Variants in PLAG1 observed in about 807,000 individuals in gnomAD.
PLAG1 encodes the protein PLAG1 zinc finger, also known as zinc finger protein PLAG1.
PLAG1 carries 7 observed loss-of-function variants against 35.5 expected under a neutral mutation model. The ratio of observed to expected loss-of-function variants is 0.20; its 90% CI spans 0.11 to 0.37. The LOEUF (loss-of-function observed/expected upper bound fraction) is 0.37, where lower values mean the gene tolerates loss of function less well. PLAG1 is among the 10% of genes least tolerant of loss of function. The pLI is 1.00. For missense variants in PLAG1, 454 were observed against 602.8 expected, an observed-to-expected ratio of 0.75 and a Z score of 2.58; for synonymous variants, 229 against 225.4, an observed-to-expected ratio of 1.02 and a Z score of -0.14.
chr8:56,198,749 T>A (rs1321786338), intron 1 of PLAG1, among the ~76,000 whole-genome samples: 1 of 152,116 alleles, frequency 6.6e-6, no homozygotes, highest in Non-Finnish European at 1.5e-5. Flanking sequence ...CTGATCACTG[T>A]CTCTTAGGGT....
rs918178908 is a variant in PLAG1, at chr8:56,210,784, G to A, written c.-322+337C>T. Among the ~76,000 whole-genome samples the A allele has an allele frequency of 2.0e-5, 3 of 151,344 alleles. No homozygotes were observed. The East Asian group carries it at 5.9e-4, about 30-fold the overall frequency. ...CAGCACCAGAGAGGAGGAGGAGGAGGAGGAGGAGGAAAACTTTTCAAACTT... is the reference window on the plus strand; with the variant it reads ...CAGCACCAGAGAGGAGGAGGAGGAGAAGGAGGAGGAAAACTTTTCAAACTT... On this transcript the variant is annotated intron_variant, in intron 1 of 4. Coordinates refer to ENST00000316981, the MANE Select transcript of PLAG1 (RefSeq NM_002655.3).
At chr8:56,189,214 T>C (rs1288791827) in intron 1 of PLAG1, among the ~76,000 whole-genome samples, 1 of 152,256 alleles carries the variant, frequency 6.6e-6, no homozygotes, top group Non-Finnish European at 1.5e-5. Context: ...GTCCAATCTA[T>C]TTGCTCACCT....
intron 1 of PLAG1, among the ~76,000 whole-genome samples, chr8:56,187,668 T>TG (rs1035672571): frequency 6.6e-6 from 1 of 152,190 alleles, no homozygotes; most frequent in Non-Finnish European, 1.5e-5. Context: ...TTGTTTTTTT[T>TG]GGGCACAGGC....
chr8:56,195,959 C>T (rs889002610), intron 1 of PLAG1, among the ~76,000 whole-genome samples: 2 of 152,116 alleles, frequency 1.3e-5, no homozygotes, highest in Non-Finnish European at 2.9e-5. Context: ...GACCTAGTCT[C>T]GCGGGTGTGG....
rs1031690022 is a variant in PLAG1, at chr8:56,163,155, T to G, written c.*3088A>C. On this transcript the variant is annotated 3_prime_UTR_variant, in exon 5 of 5. Coordinates refer to ENST00000316981, the MANE Select transcript of PLAG1 (RefSeq NM_002655.3). ...CATGTGGAAGTGAAACTGAATGAGG[T>G]TCAATATCTTGTCTGAGGCCCAAAT... is the stretch of plus-strand genomic sequence containing the variant. 6 of 205,402 alleles carry G rather than the reference T, an allele frequency of 2.9e-5. No homozygotes were observed. The highest frequency in any genetic ancestry group is 1.4e-4 in the African/African-American group (6 of 43,680). The allele number at this position is 205,402 out of a possible 1,614,324, so 12.7% of individuals were successfully genotyped here.
intron 1 of PLAG1, among the ~76,000 whole-genome samples, chr8:56,189,426 C>G (rs960095945): frequency 2.0e-5 from 3 of 152,120 alleles, no homozygotes; most frequent in African/African-American, 7.2e-5. Context: ...AGTATAGACC[C>G]CCTATCTGCA....
chr8:56,186,682 T>TAAAA (rs34806294), intron 1 of PLAG1, among the ~76,000 whole-genome samples: 1 of 138,612 alleles, frequency 7.2e-6, no homozygotes, highest in Non-Finnish European at 1.6e-5. Context: ...TGGTTAGCAT[T>TAAAA]AAAAAAAAAA....
chr8:56,198,585 G>A (rs549030587), intron 1 of PLAG1, among the ~76,000 whole-genome samples: 6 of 152,244 alleles, frequency 3.9e-5, no homozygotes, highest in South Asian at 2.1e-4. Context: ...CTTTCTGCCC[G>A]GTCCCCTATC....
chr8:56,204,772 T>C (rs952302192), intron 1 of PLAG1, among the ~76,000 whole-genome samples: 4 of 151,874 alleles, frequency 2.6e-5, no homozygotes, highest in African/African-American at 4.8e-5. Context: ...AATTCAAATA[T>C]TTAATGAGTG....
chr8:56,204,012 C>T (rs1390011433), intron 1 of PLAG1, among the ~76,000 whole-genome samples: 1 of 151,864 alleles, frequency 6.6e-6, no homozygotes, highest in Non-Finnish European at 1.5e-5. Context: ...TGTTTTTAGG[C>T]TTATAATAGG....
At position 56,167,939 on chromosome 8, in the gene PLAG1, A is replaced by G; in HGVS notation, c.242+89T>C. ...TTTCCTCTTTGCAAATTAGCTGAAA[A>G]ATGTGTATACAAATACATACGTTTA... is the stretch of plus-strand genomic sequence containing the variant. On this transcript the variant is annotated intron_variant, in intron 4 of 4. Transcript: ENST00000316981. The surrounding 1 kb of genome is among the most constrained non-coding windows in gnomAD (Gnocchi z 5.9). The G allele has an allele frequency of 1.4e-6, 1 of 719,464 alleles. No homozygotes were observed. The highest frequency in any genetic ancestry group is 2.3e-6 in the Non-Finnish European group (1 of 434,838). 44.6% of individuals were successfully genotyped at this position (719,464 alleles called of 1,614,324 possible).
rs116460926 is a variant in PLAG1, at chr8:56,208,181, C to G, written c.-322+2940G>C. Among the ~76,000 whole-genome samples, 1,102 of 152,190 alleles carry G rather than the reference C, an allele frequency of 7.2e-3. 9 individuals are homozygous for G. The highest frequency in any genetic ancestry group is 0.025 in the African/African-American group (1,054 of 41,554). On this transcript the variant is annotated intron_variant, in intron 1 of 4. Transcript: ENST00000316981. ...TAAATGCACAGCATAATTCTGACTA[C>G]TTATAGTCAATGTAACTGTCTTGAG...
chr8:56,197,707 G>T (rs1245319491), intron 1 of PLAG1, among the ~76,000 whole-genome samples: 1 of 152,166 alleles, frequency 6.6e-6, no homozygotes, highest in Non-Finnish European at 1.5e-5. Flanking sequence ...TGGGTATTCT[G>T]GGGGGTGTGC....
chr8:56,192,178 C>G (rs144142623), intron 1 of PLAG1, among the ~76,000 whole-genome samples: 2 of 152,302 alleles, frequency 1.3e-5, no homozygotes, highest in South Asian at 4.1e-4. Context: ...GTACTACCAG[C>G]GACAGCGACT....
chr8:56,178,116 G>T, intron 2 of PLAG1: 1 of 402,074 alleles, frequency 2.5e-6, no homozygotes, highest in Non-Finnish European at 3.4e-6. Flanking sequence ...AATAGCCAGT[G>T]AAGTTCTATG....
intron 1 of PLAG1, among the ~76,000 whole-genome samples, chr8:56,195,139 T>C (rs1419327401): frequency 6.6e-6 from 1 of 152,152 alleles, no homozygotes; most frequent in Non-Finnish European, 1.5e-5. Flanking sequence ...AGCCAAAATT[T>C]CATGAAATAG....
At chr8:56,185,473 G>A (rs1224384124) in intron 1 of PLAG1, among the ~76,000 whole-genome samples, 1 of 152,060 alleles carries the variant, frequency 6.6e-6, no homozygotes, top group Non-Finnish European at 1.5e-5. Context: ...ACAGAAGTAC[G>A]AAAATAAAAC....
Position 56,166,615 on chromosome 8 carries a change from C to T in PLAG1, c.1131G>A (p.Ser377=), listed in dbSNP as rs1250181997. Residue 377 remains serine, a synonymous_variant, in exon 5 of 5, where the codon TCG becomes TCA. Coordinates refer to ENST00000316981, the MANE Select transcript of PLAG1 (RefSeq NM_002655.3). ...GATCCAACCCTAGCTTAGATGATGA[C>T]GATGCTTGAGAATCTTGGGATGAAG... ...VPSSSQDSQA[S]SSSKLGLDPQ... is the part of the protein sequence containing the mutation. The T allele has an allele frequency of 1.8e-5, 29 of 1,613,884 alleles. No homozygotes were observed. Among genetic ancestry groups the T allele is most frequent in the Non-Finnish European group, 2.0e-5 (24 of 1,179,958 alleles).
intron 1 of PLAG1, among the ~76,000 whole-genome samples, chr8:56,187,219 C>G (rs75163933): frequency 6.6e-6 from 1 of 152,114 alleles, no homozygotes; most frequent in Non-Finnish European, 1.5e-5. Context: ...TTCCCTACTG[C>G]GATACACAGA....
Sources: allele counts gnomAD v4.1 joint callset (sites outside exome capture counted in the v4.1 genomes callset), GRCh38; gene constraint gnomAD v4.1.1; non-coding constraint Gnocchi (gnomAD v3.1); transcripts MANE v1.5; gene names NCBI Gene and HGNC (gene_info 2026-07-23, HGNC 2026-07-21).